Variants in PPP2CB observed in about 807,000 individuals in gnomAD.
PPP2CB encodes protein phosphatase 2 catalytic subunit beta.
PPP2CB carries 18 observed loss-of-function variants against 39.1 expected under a neutral mutation model. That is an observed-to-expected ratio of 0.46 (90% CI 0.32 to 0.68). The LOEUF (loss-of-function observed/expected upper bound fraction) is 0.68. PPP2CB is among the 30% of genes least tolerant of loss of function. The pLI is 0.04. For synonymous variants in PPP2CB, 129 were observed against 133.8 expected, an observed-to-expected ratio of 0.96 and a Z score of 0.25; for missense variants, 226 against 396.9, an observed-to-expected ratio of 0.57 and a Z score of 3.66.
At chr8:30,801,188 C>A (rs1806617639) in intron 1 of PPP2CB, among the ~76,000 whole-genome samples, 1 of 151,098 alleles carries the variant, frequency 6.6e-6, no homozygotes, top group Non-Finnish European at 1.5e-5. Context: ...TGCAGTTAAC[C>A]CCGGGTGAGA....
Position 30,809,647 on chromosome 8 carries a change from G to GA in PPP2CB, c.102+2672dup, listed in dbSNP as rs199959559. Among the ~76,000 whole-genome samples, 485 of 151,090 alleles carry GA rather than the reference G, an allele frequency of 3.2e-3. 3 individuals are homozygous for GA. The highest frequency in any genetic ancestry group is 4.5e-3 in the Non-Finnish European group (304 of 67,716). On this transcript the variant is annotated intron_variant, in intron 1 of 6. Coordinates refer to ENST00000221138, the MANE Select transcript of PPP2CB (RefSeq NM_001009552.2). Reference sequence around the variant, plus strand: ...TTGTGGGTAAGGACAAATATTCAAAGAAAAAAAAATGGGCTAGGAGTGGTG... The same window carrying GA: ...TTGTGGGTAAGGACAAATATTCAAAGAAAAAAAAAATGGGCTAGGAGTGGTG...
At position 30,812,395 on chromosome 8, in the gene PPP2CB, C is replaced by T. The variant is rs1199611226; in HGVS notation, c.27G>A (p.Glu9=). Reference sequence around the variant, plus strand: ...TCAGCTGCTCGACCCACTGGTCCAGCTCCTTGGTGAACGCCTTGTCGTCCA... The same window carrying T: ...TCAGCTGCTCGACCCACTGGTCCAGTTCCTTGGTGAACGCCTTGTCGTCCA... The part of the protein sequence containing the change: MDDKAFTK[E]LDQWVEQLNE... The change falls in exon 1 of 7, where the codon GAG becomes GAA. Residue 9 remains glutamate (E), a synonymous_variant. Coordinates refer to ENST00000221138, the MANE Select transcript of PPP2CB (RefSeq NM_001009552.2). 1 of 1,544,850 alleles carries T rather than the reference C, an allele frequency of 6.5e-7. No individual in the cohort carries two copies. Among genetic ancestry groups the T allele is most frequent in the Non-Finnish European group, 8.8e-7 (1 of 1,141,516 alleles).
intron 1 of PPP2CB, among the ~76,000 whole-genome samples, chr8:30,800,154 C>T (rs557282331): frequency 7.4e-4 from 113 of 152,268 alleles, no homozygotes; most frequent in Admixed American, 2.6e-3. Context: ...GTAGAAACCA[C>T]CAGATATTGA....
At chr8:30,793,895 A>G in intron 5 of PPP2CB, 22 bp downstream of exon 5, 1 of 1,595,004 alleles carries the variant, frequency 6.3e-7, no homozygotes, top group Non-Finnish European at 8.5e-7. Context: ...AATAAAGATC[A>G]TTCTGTCAGG....
At chr8:30,803,775 C>T (rs550125029) in intron 1 of PPP2CB, among the ~76,000 whole-genome samples, 1 of 105,060 alleles carries the variant, frequency 9.5e-6, no homozygotes, top group South Asian at 2.7e-4. Flanking sequence ...TTTTAAATGG[C>T]TAACTTTTGG....
At chr8:30,789,732 CTAG>C (rs753377097) in intron 6 of PPP2CB, among the ~76,000 whole-genome samples, 26 of 152,306 alleles carry the variant, frequency 1.7e-4, no homozygotes, top group Middle Eastern at 3.4e-3. Context: ...GCCTCACATA[CTAG>C]TGATGGTTAC....
intron 1 of PPP2CB, among the ~76,000 whole-genome samples, chr8:30,802,431 A>G (rs1250981690): frequency 6.6e-6 from 1 of 152,152 alleles, no homozygotes; most frequent in Non-Finnish European, 1.5e-5. Context: ...GGCAGGGGAC[A>G]GGAATGGTGG....
In PPP2CB at chr8:30,785,877, C is replaced by T. The variant is rs1806330798; in HGVS notation, c.*358G>A. The T allele has an allele frequency of 5.5e-6, 2 of 365,190 alleles. No individual in the cohort carries two copies. Among genetic ancestry groups the T allele is most frequent in the Non-Finnish European group, 1.1e-5 (2 of 186,248 alleles). The allele number at this position is 365,190 out of a possible 1,614,324, so 22.6% of individuals were successfully genotyped here. A position where few individuals can be genotyped will look rare whatever the true frequency, so the allele number is the denominator to read the frequency against. ...ATTTTTCTTAAAAATAAAACTCCAA[C>T]TCTATTAATCCATGCCAGTTAAACA... On this transcript the variant is annotated 3_prime_UTR_variant, in exon 7 of 7. Transcript: ENST00000221138.
rs1265233829 is a variant in PPP2CB at position 30,812,435 on chromosome 8, C to G, written c.-14G>C. 1 of 1,511,604 alleles carries G rather than the reference C, an allele frequency of 6.6e-7. No homozygotes were observed. Among genetic ancestry groups the G allele is most frequent in the Non-Finnish European group, 8.9e-7 (1 of 1,126,774 alleles). 93.6% of individuals were successfully genotyped at this position (1,511,604 alleles called of 1,614,324 possible). On this transcript the variant is annotated 5_prime_UTR_variant, in exon 1 of 7. Coordinates refer to ENST00000221138, the MANE Select transcript of PPP2CB (RefSeq NM_001009552.2). ...CTTGTCGTCCATGGCGGCCCGATCCCGATGCGGATCCCGAGCCCCAGCCCG... is the reference window on the plus strand; with the variant it reads ...CTTGTCGTCCATGGCGGCCCGATCCGGATGCGGATCCCGAGCCCCAGCCCG...
In PPP2CB at chr8:30,797,578, T is replaced by C. The variant is rs1806548053; in HGVS notation, c.486+3A>G. ...CCCAAGATGTAAGCACACATATACA[T>C]ACCTGTCCATCTACTAAAGCTGTAA... On this transcript the variant is annotated splice_donor_region_variant and intron_variant, in intron 3 of 6. Transcript: ENST00000221138. The C allele has an allele frequency of 2.5e-6, 4 of 1,610,216 alleles. No homozygotes were observed. The highest frequency in any genetic ancestry group is 3.4e-6 in the Non-Finnish European group (4 of 1,176,896).
intron 1 of PPP2CB, among the ~76,000 whole-genome samples, chr8:30,806,878 G>C (rs1245553973): frequency 6.6e-6 from 1 of 152,086 alleles, no homozygotes; most frequent in East Asian, 1.9e-4. Context: ...TATGGCAAGG[G>C]TATATTATTG....
intron 1 of PPP2CB, among the ~76,000 whole-genome samples, chr8:30,800,409 G>A (rs925815650): frequency 1.3e-5 from 2 of 152,134 alleles, no homozygotes; most frequent in Non-Finnish European, 2.9e-5. Context: ...AAAGGTCAAT[G>A]AAAGAAAAAA....
intron 1 of PPP2CB, among the ~76,000 whole-genome samples, 166 bp from the exon 2 acceptor site, chr8:30,799,921 A>G (rs1285330703): frequency 6.6e-6 from 1 of 152,244 alleles, no homozygotes; most frequent in Non-Finnish European, 1.5e-5. Flanking sequence ...TAAAAAAGAC[A>G]GTTAATAAGT....
In PPP2CB at chr8:30,803,540, C is replaced by CT. The variant is rs201603313; in HGVS notation, c.103-3786dup. Among the ~76,000 whole-genome samples, 819 of 149,990 alleles carry CT rather than the reference C, an allele frequency of 5.5e-3. 6 individuals are homozygous for CT. Among genetic ancestry groups the CT allele is most frequent in the African/African-American group, 0.019 (785 of 40,300 alleles). On this transcript the variant is annotated intron_variant, in intron 1 of 6. Transcript: ENST00000221138. ...AGCCTAGGCGACAGTAAGATCCTGC[C>CT]TTTAAAAAAAAAAAAAGCAGCTTCC...
intron 1 of PPP2CB, among the ~76,000 whole-genome samples, chr8:30,804,227 C>A (rs964835549): frequency 1.3e-5 from 2 of 152,170 alleles, no homozygotes; most frequent in Admixed American, 6.5e-5. Flanking sequence ...TTGTTTTCTT[C>A]ATGTATTTTG....
chr8:30,802,114 T>C (rs956381284), intron 1 of PPP2CB, among the ~76,000 whole-genome samples: 1 of 152,210 alleles, frequency 6.6e-6, no homozygotes. Context: ...TTATGGACAA[T>C]GTAGCCCATA....
At chr8:30,807,792 G>T (rs1295771655) in intron 1 of PPP2CB, among the ~76,000 whole-genome samples, 1 of 152,324 alleles carries the variant, frequency 6.6e-6, no homozygotes, top group East Asian at 1.9e-4. Flanking sequence ...GCTGATGCAG[G>T]AATGAATCAC....
chr8:30,787,341 A>G (rs1806360814), intron 6 of PPP2CB, among the ~76,000 whole-genome samples: 1 of 152,076 alleles, frequency 6.6e-6, no homozygotes, highest in African/African-American at 2.4e-5. Flanking sequence ...GATTGGCATT[A>G]ACTCGTTTTT....
chr8:30,786,427 C>T (rs1806342879), intron 6 of PPP2CB, 120 bp from the exon 7 acceptor site: 2 of 772,070 alleles, frequency 2.6e-6, no homozygotes, highest in Non-Finnish European at 4.1e-6. Context: ...GACTACATCA[C>T]TTACGGCTGG....
Sources: gnomAD v4.1 joint callset for allele counts (sites outside exome capture counted in the v4.1 genomes callset) on GRCh38, gnomAD v4.1.1 for gene constraint, MANE v1.5 for transcripts, NCBI Gene and HGNC (gene_info 2026-07-23, HGNC 2026-07-21) for gene names.